PLCH2: variants seen among roughly 807,000 people sequenced by gnomAD.
PLCH2 encodes phospholipase C eta 2.
A neutral mutation model predicts 134.7 loss-of-function variants in PLCH2; 98 were observed. That is an observed-to-expected ratio of 0.73 (90% CI 0.62 to 0.86). PLCH2 has a LOEUF of 0.86. Among genes scored for constraint, PLCH2 ranks in the 40% least tolerant of loss-of-function variants. PLCH2 has a pLI of 0.00. For missense variants in PLCH2, 1,994 were observed against 1,986.6 expected, an observed-to-expected ratio of 1.00 and a Z score of -0.07; for synonymous variants, 974 against 827.5, an observed-to-expected ratio of 1.18 and a Z score of -3.04.
upstream of PLCH2, among the ~76,000 whole-genome samples, chr1:2,466,500 C>T (rs550829364): frequency 3.3e-5 from 5 of 152,322 alleles, no homozygotes; most frequent in South Asian, 1.0e-3. Context: ...ACCTGGGGCC[C>T]CGCATGGCAG....
intron 11 of PLCH2, 59 bp from the exon 12 acceptor site, chr1:2,494,797 G>A: frequency 7.8e-7 from 1 of 1,285,730 alleles, no homozygotes; most frequent in Non-Finnish European, 1.1e-6. Flanking sequence ...GGCTGTCCCG[G>A]CCTCCCTGCC....
At chr1:2,435,303 G>A (rs114429235) in intron 2 of PLCH2, among the ~76,000 whole-genome samples, 2,943 of 152,320 alleles carry the variant, frequency 0.019, 93 homozygotes, top group African/African-American at 0.067. Context: ...GCTGCCTCTT[G>A]CAGGGAGGGC....
upstream of PLCH2, among the ~76,000 whole-genome samples, chr1:2,471,896 C>T (rs761164166): frequency 6.6e-5 from 10 of 152,202 alleles, no homozygotes; most frequent in Admixed American, 1.3e-4. Flanking sequence ...CCCTCCACAA[C>T]GCCCCCACCT....
Position 2,489,349 on chromosome 1 carries a change from C to A in PLCH2, c.1378C>A (p.Gln460Lys). ...SEDATTLPSP[Q>K]MLKGKILVKG... Reference sequence around the variant, plus strand: ...AGATGCCACCACACTCCCCTCTCCACAGATGCTCAAGGGCAAGATCCTCGT... The same window carrying A: ...AGATGCCACCACACTCCCCTCTCCAAAGATGCTCAAGGGCAAGATCCTCGT... The change falls in exon 9 of 22, where the codon CAG becomes AAG. Residue 460 changes from glutamine to lysine, a missense_variant. Coordinates refer to ENST00000378486, the MANE Select transcript of PLCH2 (RefSeq NM_014638.4). 1 of 1,613,804 alleles carries A rather than the reference C, an allele frequency of 6.2e-7. No homozygotes were observed. The highest frequency in any genetic ancestry group is 1.1e-5 in the South Asian group (1 of 91,088).
intron 12 of PLCH2, among the ~76,000 whole-genome samples, chr1:2,495,206 G>A (rs1439553695): frequency 6.6e-6 from 1 of 152,188 alleles, no homozygotes; most frequent in African/African-American, 2.4e-5. Flanking sequence ...TGGGCTCGGA[G>A]CTGGTGGGAA....
intron 2 of PLCH2, among the ~76,000 whole-genome samples, chr1:2,440,576 T>G (rs1335503165): frequency 1.1e-5 from 1 of 88,456 alleles, no homozygotes; most frequent in African/African-American, 7.4e-5. Flanking sequence ...CCCGGGGATC[T>G]TGCATTGCTG....
intron 15 of PLCH2, 101 bp from the exon 16 acceptor site, chr1:2,497,401 C>G: frequency 1.3e-6 from 1 of 744,864 alleles, no homozygotes; most frequent in Non-Finnish European, 2.3e-6. Flanking sequence ...GGCAGATACG[C>G]GGCAGCTGTG....
chr1:2,454,081 G>A (rs1231036240), intron 2 of PLCH2, among the ~76,000 whole-genome samples: 1 of 152,216 alleles, frequency 6.6e-6, no homozygotes, highest in Non-Finnish European at 1.5e-5. Context: ...CCACCTATGG[G>A]TGCCCACTGT....
intron 2 of PLCH2, among the ~76,000 whole-genome samples, chr1:2,441,284 A>G (rs1639681382): frequency 6.6e-6 from 1 of 152,176 alleles, no homozygotes; most frequent in African/African-American, 2.4e-5. Context: ...CGCGGGCACC[A>G]CACGTATGGT....
intron 1 of PLCH2, among the ~76,000 whole-genome samples, chr1:2,476,974 A>AG (rs1222171986): frequency 6.6e-6 from 1 of 152,008 alleles, no homozygotes; most frequent in Admixed American, 6.5e-5. Flanking sequence ...CAAGGGGGCG[A>AG]GGGGGGATCT....
chr1:2,479,432 A>C (rs1276320978), intron 2 of PLCH2: 11 of 313,506 alleles, frequency 3.5e-5, no homozygotes, highest in African/African-American at 6.3e-5. Flanking sequence ...TTAAACGTGG[A>C]GCCCCGGGCC....
chr1:2,504,950 G>A lies in PLCH2; in HGVS notation c.3988G>A (p.Gly1330Arg). 6.4e-7 allele frequency: 1 copy of A among 1,560,936 alleles called. No homozygotes were observed. The highest frequency in any genetic ancestry group is 2.3e-5 in the East Asian group (1 of 42,688). ...SLGPAGEGVA[G>R]GPGFVRRSSS... ...GGGCCCGGCTGGGGAGGGGGTGGCA[G>A]GGGGCCCTGGTTTTGTGCGGCGCTC... Residue 1330 changes from glycine to arginine, a missense_variant, in exon 22 of 22, where the codon GGG becomes AGG. By Grantham distance (125) the Gly-to-Arg change is moderately radical (BLOSUM62 -2). This residue lies in a region of PLCH2 where 900 missense variants were observed against 752.3 expected (regional missense o/e 1.20). Transcript: ENST00000378486.
At chr1:2,430,802 C>A (rs1639031869) in intron 2 of PLCH2, among the ~76,000 whole-genome samples, 2 of 152,242 alleles carry the variant, frequency 1.3e-5, no homozygotes, top group African/African-American at 4.8e-5. Context: ...CACCCCAGGG[C>A]AGGTGGGGCC....
chr1:2,489,890 G>T (rs747537814), intron 10 of PLCH2, 23 bp downstream of exon 10: 5 of 1,512,708 alleles, frequency 3.3e-6, no homozygotes, highest in East Asian at 4.5e-5. Context: ...GGAGGTGGAG[G>T]GGGGCGCGTG....
chr1:2,461,150 C>A (rs1203605331), intron 2 of PLCH2, among the ~76,000 whole-genome samples: 1 of 152,230 alleles, frequency 6.6e-6, no homozygotes, highest in Non-Finnish European at 1.5e-5. Flanking sequence ...ATCCTGCTCA[C>A]TGGACTCCGT....
At chr1:2,488,370 G>A (rs1372000922) in intron 8 of PLCH2, among the ~76,000 whole-genome samples, 1 of 152,188 alleles carries the variant, frequency 6.6e-6, no homozygotes, top group South Asian at 2.1e-4. Flanking sequence ...CCAGGGGCCT[G>A]CTGGGATCTC....
intron 2 of PLCH2, among the ~76,000 whole-genome samples, chr1:2,445,796 C>T (rs1005567447): frequency 6.6e-6 from 1 of 152,208 alleles, no homozygotes; most frequent in African/African-American, 2.4e-5. Flanking sequence ...TGCCGTAAGC[C>T]GCAGCAGCCA....
intron 1 of PLCH2, among the ~76,000 whole-genome samples, chr1:2,468,583 G>A (rs1409952269): frequency 1.3e-5 from 2 of 152,180 alleles, no homozygotes; most frequent in East Asian, 1.9e-4. Flanking sequence ...AGAGGAAAAC[G>A]TGAAGGGGGA....
chr1:2,481,990 G>A (rs1437758022), intron 4 of PLCH2, among the ~76,000 whole-genome samples: 2 of 152,254 alleles, frequency 1.3e-5, no homozygotes, highest in African/African-American at 4.8e-5. Context: ...TTGGCTTGAG[G>A]CTAATTTCAT....
Sources: allele counts gnomAD v4.1 joint callset (sites outside exome capture counted in the v4.1 genomes callset), GRCh38; gene constraint gnomAD v4.1.1; regional missense constraint gnomAD v4.1.1; transcripts MANE v1.5; gene names NCBI Gene and HGNC (gene_info 2026-07-23, HGNC 2026-07-21).